The following RGS22 variants were observed in gnomAD, a reference collection of about 807,000 sequenced individuals.
RGS22 encodes regulator of G-protein signaling 22.
RGS22 carries 148 observed loss-of-function variants against 172.9 expected under a neutral mutation model. The observed-to-expected ratio is 0.86, with a 90% CI of 0.75 to 0.98. The LOEUF is 0.98. Among genes scored for constraint, RGS22 ranks in the 50% least tolerant of loss-of-function variants. The probability of loss-of-function intolerance (pLI) is 0.00; values close to 1 mark genes in which losing one functional copy is unlikely to be tolerated. For missense variants in RGS22, 1,347 were observed against 1,440.8 expected (o/e 0.93, Z 1.05); for synonymous variants, 458 against 480.2 (o/e 0.95, Z 0.60).
chr8:100,036,160 A>G (rs1819447170), intron 14 of RGS22, among the ~76,000 whole-genome samples: 1 of 151,924 alleles, frequency 6.6e-6, no homozygotes, highest in Non-Finnish European at 1.5e-5. Context: ...TCCAAATTAA[A>G]AAAAAAAAAC....
intron 14 of RGS22, among the ~76,000 whole-genome samples, chr8:100,023,396 T>C (rs939402520): frequency 6.6e-6 from 1 of 152,196 alleles, no homozygotes; most frequent in Non-Finnish European, 1.5e-5. Flanking sequence ...TGCCAAACAA[T>C]GTCTCTTCAT....
intron 6 of RGS22, 96 bp from the exon 7 acceptor site, chr8:100,066,392 C>A: frequency 2.1e-6 from 2 of 963,354 alleles, no homozygotes; most frequent in Non-Finnish European, 3.1e-6. Flanking sequence ...TCAACTTGCA[C>A]AGTACAATAT....
chr8:100,004,835 A>G (rs1198288822), intron 16 of RGS22, among the ~76,000 whole-genome samples: 1 of 151,510 alleles, frequency 6.6e-6, no homozygotes, highest in Non-Finnish European at 1.5e-5. Context: ...TATAAATATA[A>G]TCGCCTTCAT....
rs1433354488 is a variant in RGS22, at chr8:100,052,132, T to C, written c.1689+670A>G. Among the ~76,000 whole-genome samples, 2 of 76,002 alleles carry C rather than the reference T, an allele frequency of 2.6e-5. 1 individual carries two copies. Among genetic ancestry groups the C allele is most frequent in the African/African-American group, 1.0e-4 (2 of 19,436 alleles). The allele number at this position is 76,002 out of a possible 152,430, so 49.9% of individuals were successfully genotyped here. On this transcript the variant is annotated intron_variant, in intron 10 of 27. Coordinates refer to ENST00000360863, the MANE Select transcript of RGS22 (RefSeq NM_015668.5). ...ATGTTTATATATATTTATATATAAA[T>C]ATATAAACATATATTAATATATATA...
intron 6 of RGS22, among the ~76,000 whole-genome samples, chr8:100,068,625 G>C (rs893465823): frequency 6.6e-6 from 1 of 151,848 alleles, no homozygotes; most frequent in Non-Finnish European, 1.5e-5. Flanking sequence ...CATTTCTATA[G>C]TATATAAATT....
chr8:100,104,903 T>C (rs1364197136), intron 2 of RGS22, among the ~76,000 whole-genome samples: 7 of 152,196 alleles, frequency 4.6e-5, no homozygotes, highest in Non-Finnish European at 1.0e-4. Context: ...TGACAATGTA[T>C]AGGATATATT....
chr8:100,070,924 T>C (rs2514697), intron 6 of RGS22, among the ~76,000 whole-genome samples: 72,916 of 150,406 alleles, frequency 0.48, 19,049 homozygotes, highest in Admixed American at 0.57. Context: ...ATAAGAAGTA[T>C]TGCTAAATCT....
chr8:99,984,792 C>G (rs1812905558), intron 21 of RGS22, among the ~76,000 whole-genome samples: 1 of 149,172 alleles, frequency 6.7e-6, no homozygotes, highest in African/African-American at 2.5e-5. Flanking sequence ...TTTACGGACA[C>G]ACACACACAC....
In RGS22 at chr8:100,066,175, G is replaced by A; in HGVS notation, c.716C>T (p.Ser239Phe). The A allele has an allele frequency of 6.2e-7, 1 of 1,612,384 alleles. No individual in the cohort carries two copies. Among genetic ancestry groups the A allele is most frequent in the Non-Finnish European group, 8.5e-7 (1 of 1,179,192 alleles). The change falls in exon 7 of 28, where the codon TCT (serine) becomes TTT (phenylalanine). Residue 239 changes from serine to phenylalanine, a missense_variant. Coordinates refer to ENST00000360863, the MANE Select transcript of RGS22 (RefSeq NM_015668.5). ...YNKLKSPAIS[S>F]VSENFIFDDG... Reference sequence around the variant, plus strand: ...TGTCCTTTTCTGCTTACCAGAAACAGATGAAATAGCTGGTGATTTAAGTTT... The same window carrying A: ...TGTCCTTTTCTGCTTACCAGAAACAAATGAAATAGCTGGTGATTTAAGTTT...
At chr8:100,076,777 G>A (rs1331192892) in intron 4 of RGS22, among the ~76,000 whole-genome samples, 3 of 152,158 alleles carry the variant, frequency 2.0e-5, no homozygotes, top group Non-Finnish European at 4.4e-5. Flanking sequence ...CGGATCACTT[G>A]AGGCCAGGAG....
At chr8:100,017,025 G>T (rs1178617366) in intron 14 of RGS22, among the ~76,000 whole-genome samples, 3 of 106,556 alleles carry the variant, frequency 2.8e-5, no homozygotes, top group African/African-American at 1.1e-4. Flanking sequence ...TTAAACAGGG[G>T]CTTGCTCTGT....
At chr8:99,998,415 G>A (rs1814622483) in intron 19 of RGS22, among the ~76,000 whole-genome samples, 1 of 152,066 alleles carries the variant, frequency 6.6e-6, no homozygotes, top group African/African-American at 2.4e-5. Flanking sequence ...ATTAAAACTT[G>A]GCAGTCACAG....
At chr8:100,081,362 G>GTATATATA (rs71274952) in intron 3 of RGS22, among the ~76,000 whole-genome samples, 7,862 of 143,354 alleles carry the variant, frequency 0.055, 470 homozygotes, top group Admixed American at 0.2. Flanking sequence ...GTGCGTGTAT[G>GTATATATA]TATATATATA....
At position 100,055,995 on chromosome 8, in the gene RGS22, C is replaced by T. The variant is rs191021890; in HGVS notation, c.1515-3019G>A. Among the ~76,000 whole-genome samples, 217 of 152,220 alleles carry T rather than the reference C, an allele frequency of 1.4e-3. 3 individuals are homozygous for T. Among genetic ancestry groups the T allele is most frequent in the Admixed American group, 0.011 (164 of 15,288 alleles). Reference sequence around the variant, plus strand: ...AGAGGTTGGAACAGTTTGGAGGGCTCAGAAGAAGATAGCAAGATGTGGCAA... The same window carrying T: ...AGAGGTTGGAACAGTTTGGAGGGCTTAGAAGAAGATAGCAAGATGTGGCAA... On this transcript the variant is annotated intron_variant, in intron 9 of 27. Transcript: ENST00000360863.
chr8:100,078,541 T>C (rs994168982), intron 4 of RGS22, among the ~76,000 whole-genome samples: 25 of 152,096 alleles, frequency 1.6e-4, no homozygotes, highest in African/African-American at 6.0e-4. Context: ...ATATGTTCTT[T>C]GTCTGTTTTT....
In RGS22 at chr8:100,080,373, G is replaced by A; in HGVS notation, c.118-18C>T. On this transcript the variant is annotated intron_variant, in intron 3 of 27. Transcript: ENST00000360863. ...GAAAAGGTCTGCAATATAAATTTGT[G>A]GAAATTAAAACATTTTTTAAACCTG... 6.4e-7 allele frequency: 1 copy of A among 1,565,382 alleles called. No homozygotes were observed. Among genetic ancestry groups the A allele is most frequent in the Non-Finnish European group, 8.7e-7 (1 of 1,150,340 alleles).
In RGS22 at chr8:100,104,518, G is replaced by A. The variant is rs531182120; in HGVS notation, c.54+856C>T. On this transcript the variant is annotated intron_variant, in intron 2 of 27. Coordinates refer to ENST00000360863, the MANE Select transcript of RGS22 (RefSeq NM_015668.5). ...CTGTCTCTCCCAGCAATGGACCAGA[G>A]CTCTGGAAAGGTGAATGTGAAAGCC... is the stretch of plus-strand genomic sequence containing the variant. Among the ~76,000 whole-genome samples the A allele has an allele frequency of 7.9e-5, 12 of 152,054 alleles. No homozygotes were observed. In the South Asian group the frequency reaches 2.3e-3, roughly 29 times the overall value.
At chr8:99,977,366 G>A (rs577029909) in intron 23 of RGS22, among the ~76,000 whole-genome samples, 2 of 143,730 alleles carry the variant, frequency 1.4e-5, no homozygotes, top group East Asian at 2.1e-4. Flanking sequence ...CAGGCAATCC[G>A]CCCGTCTCGG....
Position 100,066,186 on chromosome 8 carries a change from T to A in RGS22, c.705A>T (p.Pro235=). ...GCTTACCAGAAACAGATGAAATAGC[T>A]GGTGATTTAAGTTTGTTGTAGGGTA... The part of the protein sequence containing the change: ...CCVPYNKLKS[P]AISSVSENFI... Residue 235 remains proline, a synonymous_variant, in exon 7 of 28, where the codon CCA becomes CCT. Transcript: ENST00000360863. 1 of 1,612,714 alleles carries A rather than the reference T, an allele frequency of 6.2e-7. No homozygotes were observed. The highest frequency in any genetic ancestry group is 8.5e-7 in the Non-Finnish European group (1 of 1,179,282).
Sources: allele counts gnomAD v4.1 joint callset (sites outside exome capture counted in the v4.1 genomes callset), GRCh38; gene constraint gnomAD v4.1.1; transcripts MANE v1.5; gene names NCBI Gene and HGNC (gene_info 2026-07-23, HGNC 2026-07-21).